The following PIK3R1 variants were observed in gnomAD, a reference collection of about 807,000 sequenced individuals.
The protein encoded by PIK3R1 is phosphatidylinositol 3-kinase regulatory subunit alpha.
PIK3R1 carries 29 observed loss-of-function variants against 98.0 expected under a neutral mutation model. That is an observed-to-expected ratio of 0.30 (90% CI 0.22 to 0.40). PIK3R1 has a LOEUF of 0.40. Among genes scored for constraint, PIK3R1 ranks in the 10% least tolerant of loss-of-function variants. The pLI is 1.00. For missense variants in PIK3R1, 596 were observed against 872.7 expected (o/e 0.68, Z 3.99); for synonymous variants, 282 against 311.8 (o/e 0.90, Z 1.01).
chr5:68,277,762 G>A (rs1746640708), intron 4 of PIK3R1, among the ~76,000 whole-genome samples: 1 of 152,096 alleles, frequency 6.6e-6, no homozygotes, highest in Non-Finnish European at 1.5e-5. Context: ...CGAGTTATAT[G>A]AGGTCTCGAT....
chr5:68,273,823 G>A (rs763504757), intron 3 of PIK3R1, 116 bp from the exon 4 acceptor site: 162 of 793,924 alleles, frequency 2.0e-4, no homozygotes, highest in Non-Finnish European at 7.5e-5. Flanking sequence ...AGAATATTTG[G>A]TACACATCTA....
intron 7 of PIK3R1, among the ~76,000 whole-genome samples, chr5:68,283,386 G>C (rs1746931600): frequency 1.3e-5 from 2 of 152,204 alleles, no homozygotes; most frequent in Admixed American, 6.5e-5. Context: ...TTAAATGCTA[G>C]GTGGGAGTAC....
chr5:68,291,226 C>T (rs1747368829), intron 7 of PIK3R1: 1 of 156,428 alleles, frequency 6.4e-6, no homozygotes, highest in Non-Finnish European at 1.4e-5. Context: ...AGTGATAACA[C>T]TTGGTACTTT....
intron 2 of PIK3R1, among the ~76,000 whole-genome samples, chr5:68,263,132 GAT>G (rs1397285750): frequency 1.3e-5 from 1 of 76,266 alleles, no homozygotes; most frequent in Non-Finnish European, 2.7e-5. Context: ...TAGATACATA[GAT>G]ACATATATAT....
At chr5:68,229,863 T>G (rs1253587735) in intron 2 of PIK3R1, among the ~76,000 whole-genome samples, 1 of 152,228 alleles carries the variant, frequency 6.6e-6, no homozygotes, top group Non-Finnish European at 1.5e-5. Context: ...CTGTACTTTC[T>G]TCCAATACAT....
chr5:68,288,864 A>T (rs1373731174), intron 7 of PIK3R1: 7 of 1,058,358 alleles, frequency 6.6e-6, no homozygotes, highest in Non-Finnish European at 1.0e-5. Context: ...CTGCCTGGGG[A>T]GGACAGATGG....
chr5:68,239,687 G>A (rs906083741), intron 2 of PIK3R1, among the ~76,000 whole-genome samples: 9 of 152,192 alleles, frequency 5.9e-5, no homozygotes, highest in Admixed American at 2.0e-4. Context: ...AAGGGGCGCC[G>A]GGGGTTAATG....
In PIK3R1 at chr5:68,262,808, T is replaced by TAG. The variant is rs372077937; in HGVS notation, c.335-10581_335-10580insGA. ...AGATACATGTATACGTAGATACATGTATACATGTAGATACATGTAGATACA... is the reference window on the plus strand; with the variant it reads ...AGATACATGTATACGTAGATACATGTAGATACATGTAGATACATGTAGATACA... On this transcript the variant is annotated intron_variant, in intron 2 of 15. Transcript: ENST00000521381. 9.3e-5 allele frequency among the ~76,000 whole-genome samples: 6 copies of TAG among 64,798 alleles called. 2 individuals carry two copies. Among genetic ancestry groups the TAG allele is most frequent in the Non-Finnish European group, 1.6e-4 (5 of 31,272 alleles). The allele number at this position is 64,798 out of a possible 152,430, so 42.5% of individuals were successfully genotyped here.
intron 4 of PIK3R1, 104 bp downstream of exon 4, chr5:68,274,117 T>C: frequency 2.2e-6 from 2 of 895,428 alleles, no homozygotes; most frequent in South Asian, 1.4e-5. Flanking sequence ...TGCAGTGTTC[T>C]AAATTTAAAG....
intron 7 of PIK3R1, chr5:68,290,491 G>A (rs1215859668): frequency 1.3e-5 from 5 of 399,268 alleles, no homozygotes; most frequent in Admixed American, 8.9e-5. Flanking sequence ...ATATATTGCA[G>A]TTCTATTAAA....
At chr5:68,223,036 C>CTA (rs1456274826) in intron 1 of PIK3R1, among the ~76,000 whole-genome samples, 2 of 151,488 alleles carry the variant, frequency 1.3e-5, no homozygotes, top group Non-Finnish European at 1.5e-5. Context: ...ATATATATGA[C>CTA]TATATATATA....
At chr5:68,266,891 T>G (rs1746143519) in intron 2 of PIK3R1, among the ~76,000 whole-genome samples, 1 of 152,190 alleles carries the variant, frequency 6.6e-6, no homozygotes, top group African/African-American at 2.4e-5. Context: ...TAGTTGATGT[T>G]CAGTACTAAT....
chr5:68,273,618 C>T lies in PIK3R1; in HGVS notation c.427+136C>T, dbSNP rs986836836. ...CCAGATACTCTGCTGGACACTCAAA[C>T]TGTTTGGGGCTAAGTACTGGGAAAA... On this transcript the variant is annotated intron_variant, in intron 3 of 15. Coordinates refer to ENST00000521381, the MANE Select transcript of PIK3R1 (RefSeq NM_181523.3). 6.7e-6 allele frequency: 5 copies of T among 751,630 alleles called. No homozygotes were observed. In the African/African-American group the frequency reaches 6.9e-5, roughly 10 times the overall value. The allele number at this position is 751,630 out of a possible 1,614,324, so 46.6% of individuals were successfully genotyped here.
rs994221 is a variant in PIK3R1, at chr5:68,245,319, T to A, written c.334+18310T>A. Among the ~76,000 whole-genome samples the A allele has an allele frequency of 5.7e-3, 860 of 152,172 alleles. 3 individuals are homozygous for A. Among genetic ancestry groups the A allele is most frequent in the Non-Finnish European group, 9.4e-3 (638 of 67,976 alleles). On this transcript the variant is annotated intron_variant, in intron 2 of 15. Coordinates refer to ENST00000521381, the MANE Select transcript of PIK3R1 (RefSeq NM_181523.3). ...GAATTTAGACAAATATGCTTTTTTT[T>A]TAAAAAAAAATAGTTGAGTTTTAAA... is the stretch of plus-strand genomic sequence containing the variant.
At position 68,229,290 on chromosome 5, in the gene PIK3R1, A is replaced by G. The variant is rs530203815; in HGVS notation, c.334+2281A>G. 2.2e-4 allele frequency among the ~76,000 whole-genome samples: 33 copies of G among 152,338 alleles called. 1 individual carries two copies. Among genetic ancestry groups the G allele is most frequent in the African/African-American group, 6.3e-4 (26 of 41,582 alleles). On this transcript the variant is annotated intron_variant, in intron 2 of 15. Transcript: ENST00000521381. ...AAGTAGTTATAAGGACAAATTTTATATGTTAGAACCTGTGAGACTAGTTTC... is the reference window on the plus strand; with the variant it reads ...AAGTAGTTATAAGGACAAATTTTATGTGTTAGAACCTGTGAGACTAGTTTC...
chr5:68,263,251 ATATT>A (rs1435144337), intron 2 of PIK3R1, among the ~76,000 whole-genome samples: 3 of 147,192 alleles, frequency 2.0e-5, no homozygotes, highest in Non-Finnish European at 3.0e-5. Context: ...AAATATATAT[ATATT>A]CTACATTTTA....
intron 7 of PIK3R1, among the ~76,000 whole-genome samples, chr5:68,290,343 G>A (rs747004011): frequency 3.3e-5 from 5 of 152,222 alleles, no homozygotes; most frequent in African/African-American, 9.6e-5. Context: ...AGAAAAGCTC[G>A]GAGCTGCAGC....
At chr5:68,223,120 CTCAATCA>C (rs1321116494) in intron 1 of PIK3R1, among the ~76,000 whole-genome samples, 1 of 117,214 alleles carries the variant, frequency 8.5e-6, no homozygotes, top group African/African-American at 3.8e-5. Context: ...TGTGTACAAA[CTCAATCA>C]TCATCATCAT....
chr5:68,239,117 A>G (rs1429652444), intron 2 of PIK3R1, among the ~76,000 whole-genome samples: 2 of 152,234 alleles, frequency 1.3e-5, no homozygotes, highest in Non-Finnish European at 2.9e-5. Context: ...GGAGCTCAGG[A>G]AAGATACACT....
Sources: allele counts gnomAD v4.1 joint callset (sites outside exome capture counted in the v4.1 genomes callset), GRCh38; gene constraint gnomAD v4.1.1; transcripts MANE v1.5; gene names NCBI Gene and HGNC (gene_info 2026-07-23, HGNC 2026-07-21).